Variants in NIPA1 observed in about 807,000 individuals in gnomAD.
NIPA1 encodes the protein NIPA magnesium transporter 1.
NIPA1 carries 13 observed loss-of-function variants against 23.9 expected under a neutral mutation model. That is an observed-to-expected ratio of 0.54 (90% CI 0.35 to 0.87). The LOEUF (loss-of-function observed/expected upper bound fraction) is 0.87. Among genes scored for constraint, NIPA1 ranks in the 40% least tolerant of loss-of-function variants. The probability of loss-of-function intolerance (pLI) is 0.01; values close to 1 mark genes in which losing one functional copy is unlikely to be tolerated. For synonymous variants in NIPA1, 234 were observed against 202.9 expected (o/e 1.15, Z -1.30); for missense variants, 362 against 429.7 (o/e 0.84, Z 1.39).
intron 3 of NIPA1, among the ~76,000 whole-genome samples, chr15:22,814,592 G>A (rs1017183769): frequency 3.3e-5 from 5 of 152,152 alleles, no homozygotes; most frequent in African/African-American, 1.2e-4. Context: ...GAAATGAAAA[G>A]AATGTGGCAC....
chr15:22,808,092 T>C lies in NIPA1; in HGVS notation c.179-2657T>C, dbSNP rs921688993. The stretch of plus-strand genomic sequence containing the variant: ...GCATGAGCCACTGCACCCGGCCCAC[T>C]TTGTTAAGTACTTTATTTATTAGTT... On this transcript the variant is annotated intron_variant, in intron 1 of 4. Coordinates refer to ENST00000337435, the MANE Select transcript of NIPA1 (RefSeq NM_144599.5). Among the ~76,000 whole-genome samples, 5 of 152,176 alleles carry C rather than the reference T, an allele frequency of 3.3e-5. No homozygotes were observed. The East Asian group carries it at 9.6e-4, about 29-fold the overall frequency.
At chr15:22,806,203 G>C (rs1025605423) in intron 1 of NIPA1, among the ~76,000 whole-genome samples, 4 of 152,202 alleles carry the variant, frequency 2.6e-5, no homozygotes, top group East Asian at 1.9e-4. Context: ...GATTACAGGC[G>C]TGAGCCACCG....
In NIPA1 at chr15:22,798,835, C is replaced by CAAAAA. The variant is rs1206327395; in HGVS notation, c.179-11891_179-11887dup. On this transcript the variant is annotated intron_variant, in intron 1 of 4. Transcript: ENST00000337435. ...TGGGCGACAGAGCGAGACTCCGTCT[C>CAAAAA]AAAAAAAAAAAAAAAAAAAAAAAAA... Among the ~76,000 whole-genome samples, 26 of 73,096 alleles carry CAAAAA rather than the reference C, an allele frequency of 3.6e-4. 7 individuals carry two copies. Among genetic ancestry groups the CAAAAA allele is most frequent in the African/African-American group, 1.4e-3 (23 of 16,848 alleles). The allele number at this position is 73,096 out of a possible 152,430, so 48.0% of individuals were successfully genotyped here. A position where few individuals can be genotyped will look rare whatever the true frequency, so the allele number is the denominator to read the frequency against.
At chr15:22,792,273 G>A (rs1033789071) in intron 1 of NIPA1, among the ~76,000 whole-genome samples, 2 of 152,228 alleles carry the variant, frequency 1.3e-5, no homozygotes, top group Non-Finnish European at 2.9e-5. Context: ...CAGGAGAGCT[G>A]CCATTGAGGG....
chr15:22,797,262 T>A (rs1219843011), intron 1 of NIPA1, among the ~76,000 whole-genome samples: 1 of 151,386 alleles, frequency 6.6e-6, no homozygotes, highest in Non-Finnish European at 1.5e-5. Flanking sequence ...CAGGCTGGAG[T>A]GCAGTGGTGT....
intron 1 of NIPA1, among the ~76,000 whole-genome samples, chr15:22,790,738 A>G (rs1408409542): frequency 2.6e-5 from 4 of 152,124 alleles, no homozygotes; most frequent in Non-Finnish European, 5.9e-5. Flanking sequence ...GTAATGCACC[A>G]GGCATTGTGT....
intron 1 of NIPA1, among the ~76,000 whole-genome samples, chr15:22,793,232 C>T (rs1375932757): frequency 6.6e-6 from 1 of 151,176 alleles, no homozygotes; most frequent in Non-Finnish European, 1.5e-5. Context: ...GCCTGTAGTC[C>T]CAGCCACTTG....
Position 22,829,608 on chromosome 15 carries a change from A to T in NIPA1, c.*5369A>T, listed in dbSNP as rs1042042142. 2 of 152,160 alleles carry T rather than the reference A, an allele frequency of 1.3e-5. No homozygotes were observed. Among genetic ancestry groups the T allele is most frequent in the Non-Finnish European group, 1.5e-5 (1 of 68,036 alleles). 9.4% of individuals were successfully genotyped at this position (152,160 alleles called of 1,614,324 possible). On this transcript the variant is annotated 3_prime_UTR_variant, in exon 5 of 5. Transcript: ENST00000337435. ...GTTTTGTCATAGACATGTATTGGGG[A>T]GCTTCCAATTAGCATACATAGACAC...
At position 22,825,716 on chromosome 15, in the gene NIPA1, G is replaced by A. The variant is rs1478080659; in HGVS notation, c.*1477G>A. 1 of 152,444 alleles carries A rather than the reference G, an allele frequency of 6.6e-6. No homozygotes were observed. Among genetic ancestry groups the A allele is most frequent in the Non-Finnish European group, 1.5e-5 (1 of 68,024 alleles). The allele number at this position is 152,444 out of a possible 1,614,324, so 9.4% of individuals were successfully genotyped here. On this transcript the variant is annotated 3_prime_UTR_variant, in exon 5 of 5. Coordinates refer to ENST00000337435, the MANE Select transcript of NIPA1 (RefSeq NM_144599.5). ...CTACAAATTGCAATATGCAGTTTTT[G>A]AAAGATTTTCTAACAAAAAGCCAAT... is the stretch of plus-strand genomic sequence containing the variant.
In NIPA1 at chr15:22,828,744, G is replaced by C. The variant is rs747994441; in HGVS notation, c.*4505G>C. ...GCCCAGAGCATGAGCCAGGGAGGAG[G>C]ATGTTTTTCTTCTTTTCTCTATTTT... On this transcript the variant is annotated 3_prime_UTR_variant, in exon 5 of 5. Coordinates refer to ENST00000337435, the MANE Select transcript of NIPA1 (RefSeq NM_144599.5). 6.6e-6 allele frequency: 1 copy of C among 152,576 alleles called. No individual in the cohort carries two copies. Among genetic ancestry groups the C allele is most frequent in the Non-Finnish European group, 1.5e-5 (1 of 68,052 alleles). The allele number at this position is 152,576 out of a possible 1,614,324, so 9.5% of individuals were successfully genotyped here. A position where few individuals can be genotyped will look rare whatever the true frequency, so the allele number is the denominator to read the frequency against.
At chr15:22,822,339 T>A (rs1895555263) in intron 4 of NIPA1, among the ~76,000 whole-genome samples, 2 of 152,150 alleles carry the variant, frequency 1.3e-5, no homozygotes, top group Admixed American at 1.3e-4. Flanking sequence ...GAGAATGGGA[T>A]GATTTTTGAT....
In NIPA1 at chr15:22,823,831, C is replaced by T; in HGVS notation, c.582C>T (p.Ile194=). ...CCAACATCATGGTCTACATCAGCATCTGCTCCTTGCTGGGCAGTTTCACCG... is the reference window on the plus strand; with the variant it reads ...CCAACATCATGGTCTACATCAGCATTTGCTCCTTGCTGGGCAGTTTCACCG... ...GPTNIMVYIS[I]CSLLGSFTVP... is the part of the protein sequence containing the mutation. Residue 194 remains isoleucine (I), a synonymous_variant, in exon 5 of 5, where the codon ATC becomes ATT. Coordinates refer to ENST00000337435, the MANE Select transcript of NIPA1 (RefSeq NM_144599.5). The T allele has an allele frequency of 1.2e-6, 2 of 1,614,182 alleles. No homozygotes were observed. The highest frequency in any genetic ancestry group is 1.7e-6 in the Non-Finnish European group (2 of 1,180,002).
At chr15:22,808,836 A>G (rs1295595826) in intron 1 of NIPA1, among the ~76,000 whole-genome samples, 10 of 151,760 alleles carry the variant, frequency 6.6e-5, no homozygotes, top group South Asian at 2.1e-4. Context: ...CACCCAGCTA[A>G]TTTTTAAATT....
chr15:22,789,455 TC>T (rs948350339), intron 1 of NIPA1, among the ~76,000 whole-genome samples: 2 of 152,144 alleles, frequency 1.3e-5, no homozygotes, highest in Non-Finnish European at 2.9e-5. Flanking sequence ...CAAGGTCCTT[TC>T]CATCCCTGTG....
intron 1 of NIPA1, among the ~76,000 whole-genome samples, chr15:22,810,172 G>A (rs896352486): frequency 1.3e-5 from 2 of 152,180 alleles, no homozygotes; most frequent in Non-Finnish European, 2.9e-5. Context: ...CTGGGGCTCC[G>A]CCTGCCCTGC....
chr15:22,798,060 G>C (rs1250649197), intron 1 of NIPA1, among the ~76,000 whole-genome samples: 1 of 149,218 alleles, frequency 6.7e-6, no homozygotes, highest in Non-Finnish European at 1.5e-5. Context: ...TGTTAGCCAG[G>C]ATGGTCTTGA....
intron 1 of NIPA1, among the ~76,000 whole-genome samples, chr15:22,804,161 A>G (rs1054555915): frequency 1.3e-5 from 2 of 151,930 alleles, no homozygotes; most frequent in African/African-American, 4.8e-5. Flanking sequence ...AATTTTTAGT[A>G]GAGACGGGGT....
Position 22,810,046 on chromosome 15 carries a change from C to CAA in NIPA1, c.179-694_179-693dup, listed in dbSNP as rs11393089. Among the ~76,000 whole-genome samples, 119 of 148,686 alleles carry CAA rather than the reference C, an allele frequency of 8.0e-4. 1 individual carries two copies. Among genetic ancestry groups the CAA allele is most frequent in the African/African-American group, 2.7e-3 (112 of 40,914 alleles). On this transcript the variant is annotated intron_variant, in intron 1 of 4. Transcript: ENST00000337435. ...GGGCAACAAGAGTGAAACTCTGCCT[C>CAA]AAAAAAAAAAGTGCTTAGGAGCATT...
chr15:22,815,817 ATAT>A (rs1294327059), intron 3 of NIPA1, among the ~76,000 whole-genome samples: 1 of 152,192 alleles, frequency 6.6e-6, no homozygotes, highest in Non-Finnish European at 1.5e-5. Flanking sequence ...AATTAGTGTA[ATAT>A]ACCACAGCAA....
Sources: allele counts gnomAD v4.1 joint callset (sites outside exome capture counted in the v4.1 genomes callset), GRCh38; gene constraint gnomAD v4.1.1; transcripts MANE v1.5; gene names NCBI Gene and HGNC (gene_info 2026-07-23, HGNC 2026-07-21).